The following PTPRO variants were observed in gnomAD, a reference collection of about 807,000 sequenced individuals.
PTPRO encodes receptor-type tyrosine-protein phosphatase O.
In PTPRO, 62 loss-of-function variants were observed where a neutral mutation model predicts 145.2. The ratio of observed to expected loss-of-function variants is 0.43; its 90% CI spans 0.35 to 0.53. The LOEUF is 0.53. Ranked by LOEUF, PTPRO falls within the 20% of genes least tolerant of loss-of-function variation. The pLI, the probability that PTPRO is intolerant of heterozygous loss-of-function variation, is 0.01. For synonymous variants in PTPRO, 565 were observed against 514.7 expected (o/e 1.10, Z -1.32); for missense variants, 1,345 against 1,482.7 (o/e 0.91, Z 1.53).
intron 1 of PTPRO, among the ~76,000 whole-genome samples, chr12:15,477,904 C>T (rs1276428351): frequency 1.3e-5 from 2 of 152,182 alleles, no homozygotes; most frequent in Non-Finnish European, 2.9e-5. Context: ...TGACCCACCA[C>T]CACACTATAC....
chr12:15,454,589 A>G (rs1039862500), intron 1 of PTPRO, among the ~76,000 whole-genome samples: 4 of 151,204 alleles, frequency 2.6e-5, no homozygotes, highest in African/African-American at 7.4e-5. Context: ...TGTTGTCTAT[A>G]TAGTCTGTTG....
chr12:15,364,836 A>G (rs561070284), intron 1 of PTPRO, among the ~76,000 whole-genome samples: 28 of 152,314 alleles, frequency 1.8e-4, no homozygotes, highest in African/African-American at 6.5e-4. Flanking sequence ...CACTGGTCCC[A>G]TTAATTGAAC....
chr12:15,528,245 G>A (rs371118444), intron 12 of PTPRO, among the ~76,000 whole-genome samples: 65 of 151,626 alleles, frequency 4.3e-4, no homozygotes, highest in African/African-American at 1.3e-3. Context: ...GGCTGGGCAC[G>A]GTGGCTCACA....
chr12:15,490,796 T>G (rs1299597240), intron 2 of PTPRO, among the ~76,000 whole-genome samples: 1 of 152,102 alleles, frequency 6.6e-6, no homozygotes, highest in Non-Finnish European at 1.5e-5. Flanking sequence ...TGAAGGAGAT[T>G]GAGACAGATT....
At chr12:15,547,564 T>C (rs1943327701) in intron 13 of PTPRO, among the ~76,000 whole-genome samples, 1 of 152,204 alleles carries the variant, frequency 6.6e-6, no homozygotes, top group African/African-American at 2.4e-5. Flanking sequence ...CTAAGATAAT[T>C]TGCTTTGATT....
At chr12:15,465,404 A>G (rs1174114502) in intron 1 of PTPRO, among the ~76,000 whole-genome samples, 1 of 152,232 alleles carries the variant, frequency 6.6e-6, no homozygotes, top group East Asian at 1.9e-4. Flanking sequence ...TCTTCTTTAT[A>G]TATTGGTTTA....
intron 1 of PTPRO, among the ~76,000 whole-genome samples, chr12:15,415,213 C>G (rs1220975480): frequency 6.6e-6 from 1 of 151,906 alleles, no homozygotes; most frequent in Non-Finnish European, 1.5e-5. Context: ...TTTCCTGGCC[C>G]GTCCAGCTAC....
intron 19 of PTPRO, among the ~76,000 whole-genome samples, chr12:15,576,391 C>A (rs1426936745): frequency 6.6e-6 from 1 of 152,208 alleles, no homozygotes; most frequent in Non-Finnish European, 1.5e-5. Context: ...GTATTTACAG[C>A]AGGAAGGCAA....
chr12:15,495,820 G>C (rs549229682), intron 2 of PTPRO, among the ~76,000 whole-genome samples: 87 of 152,224 alleles, frequency 5.7e-4, no homozygotes, highest in Non-Finnish European at 1.2e-3. Flanking sequence ...GTTTCTTTTG[G>C]GGAAGGGTAC....
chr12:15,419,656 C>T (rs12821570), intron 1 of PTPRO, among the ~76,000 whole-genome samples: 20,301 of 151,084 alleles, frequency 0.13, 1,870 homozygotes, highest in African/African-American at 0.22. Context: ...TTGTTGATGC[C>T]CTTCGAGAGC....
chr12:15,351,662 A>G (rs1467211674), intron 1 of PTPRO, among the ~76,000 whole-genome samples: 2 of 152,220 alleles, frequency 1.3e-5, no homozygotes, highest in African/African-American at 4.8e-5. Flanking sequence ...CATTTTTATA[A>G]TATTTAAATC....
chr12:15,478,918 G>T (rs901160222), intron 1 of PTPRO, among the ~76,000 whole-genome samples: 1 of 152,092 alleles, frequency 6.6e-6, no homozygotes, highest in African/African-American at 2.4e-5. Flanking sequence ...TGATCCGCCC[G>T]CCTCGGCCTC....
At chr12:15,516,336 CAAAAA>C (rs548537781) in intron 8 of PTPRO, among the ~76,000 whole-genome samples, 3 of 62,562 alleles carry the variant, frequency 4.8e-5, no homozygotes, top group African/African-American at 1.8e-4. Flanking sequence ...GACCCTGTCT[CAAAAA>C]AAAAAAAAGA....
At chr12:15,363,912 C>G (rs769446505) in intron 1 of PTPRO, among the ~76,000 whole-genome samples, 28 of 152,116 alleles carry the variant, frequency 1.8e-4, no homozygotes, top group Non-Finnish European at 3.1e-4. Context: ...AGCTTAGATA[C>G]TAGCTGGCAT....
At chr12:15,546,404 A>T in intron 12 of PTPRO, 165 bp from the exon 13 acceptor site, 1 of 1,443,578 alleles carries the variant, frequency 6.9e-7, no homozygotes, top group South Asian at 1.5e-5. Context: ...TCCAAGTTAG[A>T]TAGCTATCTT....
intron 1 of PTPRO, among the ~76,000 whole-genome samples, chr12:15,432,175 C>T (rs116009710): frequency 0.022 from 3,386 of 152,214 alleles, 138 homozygotes; most frequent in African/African-American, 0.076. Context: ...TGATGTAGGG[C>T]CCAGTGTCCA....
intron 6 of PTPRO, among the ~76,000 whole-genome samples, chr12:15,507,277 G>C (rs953188852): frequency 4.6e-5 from 7 of 152,066 alleles, no homozygotes; most frequent in African/African-American, 9.7e-5. Context: ...GCCAGGCATA[G>C]TGGTGGGCAC....
chr12:15,578,986 T>C (rs1240939601), intron 20 of PTPRO, 43 bp downstream of exon 20: 3 of 1,471,644 alleles, frequency 2.0e-6, no homozygotes, highest in African/African-American at 1.4e-5. Flanking sequence ...GTCTTAAGGG[T>C]TGAAGGACTG....
intron 7 of PTPRO, among the ~76,000 whole-genome samples, chr12:15,514,469 A>AAAAAG (rs1565676718): frequency 2.1e-4 from 30 of 145,200 alleles, no homozygotes; most frequent in South Asian, 6.4e-4. Context: ...AAAAAAAAAA[A>AAAAAG]AAAAGAAAGA....
Sources: allele counts gnomAD v4.1 joint callset (sites outside exome capture counted in the v4.1 genomes callset), GRCh38; gene constraint gnomAD v4.1.1; transcripts MANE v1.5; gene names NCBI Gene and HGNC (gene_info 2026-07-23, HGNC 2026-07-21).